Variants in PCDHA7 observed in about 807,000 individuals in gnomAD.
The protein encoded by PCDHA7 is protocadherin alpha-7.
In PCDHA7, 37 loss-of-function variants were observed where a neutral mutation model predicts 57.2. The ratio of observed to expected loss-of-function variants is 0.65; its 90% CI spans 0.50 to 0.85. The LOEUF (loss-of-function observed/expected upper bound fraction) is 0.85, where lower values mean the gene tolerates loss of function less well. Among genes scored for constraint, PCDHA7 ranks in the 40% least tolerant of loss-of-function variants. The probability of loss-of-function intolerance (pLI) is 0.00; values close to 1 mark genes in which losing one functional copy is unlikely to be tolerated. For synonymous variants in PCDHA7, 553 were observed against 558.8 expected (o/e 0.99, Z 0.15); for missense variants, 1,188 against 1,241.8 (o/e 0.96, Z 0.65).
chr5:140,866,796 G>A (rs1360079320), intron 1 of PCDHA7: 5 of 152,128 alleles, frequency 3.3e-5, no homozygotes, highest in African/African-American at 1.2e-4. Context: ...TATAGTAAAA[G>A]TCAGGCACAA....
At chr5:140,841,904 GT>G (rs1777577070) in intron 1 of PCDHA7, 1 of 1,613,860 alleles carries the variant, frequency 6.2e-7, no homozygotes, top group East Asian at 2.2e-5. Flanking sequence ...GGTTGAGCTC[GT>G]ATTAAGAAAA....
Position 140,848,771 on chromosome 5 carries a change from C to G in PCDHA7, c.2355+12033C>G, listed in dbSNP as rs1184191151. 4.4e-6 allele frequency: 7 copies of G among 1,593,350 alleles called. No homozygotes were observed. In the South Asian group the frequency reaches 6.6e-5, roughly 15 times the overall value. On this transcript the variant is annotated intron_variant, in intron 1 of 3. Coordinates refer to ENST00000525929, the MANE Select transcript of PCDHA7 (RefSeq NM_018910.3). ...TGTTTGTGAATTCTCGGATCGACCG[C>G]GAGGAGCTGTGCGGGCGGAGCGCGG...
At chr5:140,938,125 A>G (rs1339364898) in intron 1 of PCDHA7, among the ~76,000 whole-genome samples, 1 of 152,120 alleles carries the variant, frequency 6.6e-6, no homozygotes, top group Admixed American at 6.5e-5. Context: ...TTTTTTAAAA[A>G]AATAGAGATA....
intron 1 of PCDHA7, chr5:140,876,187 G>A (rs1554168344): frequency 1.9e-6 from 3 of 1,613,842 alleles, no homozygotes; most frequent in African/African-American, 2.7e-5. Context: ...GAATGACAAT[G>A]GTCCGGCGTT....
chr5:140,925,208 T>C (rs1201764361), intron 1 of PCDHA7, among the ~76,000 whole-genome samples: 2 of 152,190 alleles, frequency 1.3e-5, no homozygotes, highest in African/African-American at 4.8e-5. Context: ...TAATTATCGA[T>C]ACTTTTAGGC....
chr5:140,918,517 G>A (rs2078735105), intron 1 of PCDHA7, among the ~76,000 whole-genome samples: 1 of 152,134 alleles, frequency 6.6e-6, no homozygotes, highest in South Asian at 2.1e-4. Flanking sequence ...TAAACTTATT[G>A]AGGATTGTTT....
At chr5:140,881,147 A>G (rs982102013) in intron 1 of PCDHA7, among the ~76,000 whole-genome samples, 3 of 152,238 alleles carry the variant, frequency 2.0e-5, no homozygotes, top group Non-Finnish European at 4.4e-5. Context: ...ATAACAATAG[A>G]TAAAAGTAAG....
At chr5:140,862,555 G>A (rs926436647) in intron 1 of PCDHA7, 1 of 467,658 alleles carries the variant, frequency 2.1e-6, no homozygotes, top group South Asian at 1.7e-5. Flanking sequence ...TGGCCGAACA[G>A]TGAACCACAA....
intron 1 of PCDHA7, among the ~76,000 whole-genome samples, chr5:140,919,377 A>G (rs2079104195): frequency 1.3e-5 from 2 of 152,208 alleles, no homozygotes; most frequent in Non-Finnish European, 2.9e-5. Context: ...CAGACAACAC[A>G]TAGTTGGATG....
At chr5:140,852,353 C>A (rs1349870360) in intron 1 of PCDHA7, 2 of 209,384 alleles carry the variant, frequency 9.6e-6, no homozygotes, top group African/African-American at 4.8e-5. Flanking sequence ...TCTTGGCTCA[C>A]TGCAACGTCT....
chr5:140,873,568 G>T (rs1319513835), intron 1 of PCDHA7, among the ~76,000 whole-genome samples: 1 of 149,090 alleles, frequency 6.7e-6, no homozygotes, highest in East Asian at 1.9e-4. Context: ...TTTCTAGTTT[G>T]GTTGTTTAAG....
At chr5:140,967,754 T>G (rs782221420) in intron 1 of PCDHA7, 16 of 1,614,164 alleles carry the variant, frequency 9.9e-6, no homozygotes, top group South Asian at 7.7e-5. Flanking sequence ...GGAAGCCTCC[T>G]CCTACCAGAT....
At chr5:140,984,693 A>G (rs1587034361) in intron 3 of PCDHA7, among the ~76,000 whole-genome samples, 1 of 152,264 alleles carries the variant, frequency 6.6e-6, no homozygotes, top group East Asian at 1.9e-4. Flanking sequence ...TATGTTCTGC[A>G]CTGCTTGGAG....
chr5:140,969,636 T>C (rs2096349824), intron 1 of PCDHA7: 1 of 212,100 alleles, frequency 4.7e-6, no homozygotes, highest in Non-Finnish European at 8.1e-6. Context: ...GGACAGGCCT[T>C]GGAATAGGGA....
At chr5:140,933,731 A>G (rs1210438420) in intron 1 of PCDHA7, among the ~76,000 whole-genome samples, 2 of 151,958 alleles carry the variant, frequency 1.3e-5, no homozygotes, top group East Asian at 1.9e-4. Context: ...CAGCTTTCTT[A>G]AATATTTGGT....
Position 140,848,312 on chromosome 5 carries a change from C to A in PCDHA7, c.2355+11574C>A, listed in dbSNP as rs4151686. 12 of 726,146 alleles carry A rather than the reference C, an allele frequency of 1.7e-5. 1 individual carries two copies. Among genetic ancestry groups the A allele is most frequent in the Non-Finnish European group, 2.5e-5 (11 of 437,168 alleles). The allele number at this position is 726,146 out of a possible 1,614,324, so 45.0% of individuals were successfully genotyped here. On this transcript the variant is annotated intron_variant, in intron 1 of 3. Transcript: ENST00000525929. ...TTGGGCCACGTGATGTCACTCTTTG[C>A]CGCGATGTTCTCTCTGAATCCAGAC... is the stretch of plus-strand genomic sequence containing the variant.
At position 140,836,149 on chromosome 5, in the gene PCDHA7, A is replaced by G; in HGVS notation, c.1766A>G (p.His589Arg). The G allele has an allele frequency of 6.2e-7, 1 of 1,613,754 alleles. No homozygotes were observed. Among genetic ancestry groups the G allele is most frequent in the Non-Finnish European group, 8.5e-7 (1 of 1,179,788 alleles). The stretch of plus-strand genomic sequence containing the variant: ...GTGCCGCGGTCTGTGGGCGCGGGCC[A>G]TGTGGTGGCGAAGGTACGTGCAGTT... ...ELVPRSVGAG[H>R]VVAKVRAVDA... Residue 589 changes from histidine (H) to arginine (R), a missense_variant, in exon 1 of 4, where the codon CAT becomes CGT. By Grantham distance (29) the His-to-Arg change is conservative. Transcript: ENST00000525929.
At position 140,853,046 on chromosome 5, in the gene PCDHA7, T is replaced by C. The variant is rs2150527902; in HGVS notation, c.2355+16308T>C. 4 of 266,690 alleles carry C rather than the reference T, an allele frequency of 1.5e-5. No individual in the cohort carries two copies. The South Asian group carries it at 5.7e-4, about 38-fold the overall frequency. The allele number at this position is 266,690 out of a possible 1,614,324, so 16.5% of individuals were successfully genotyped here. On this transcript the variant is annotated intron_variant, in intron 1 of 3. Transcript: ENST00000525929. ...GGCGCCTGCCACCATGCCCGCCTAA[T>C]TTTTTTGTATTTTTAGTAGAGATGG...
chr5:140,876,144 G>C (rs782301739), intron 1 of PCDHA7: 1 of 1,613,964 alleles, frequency 6.2e-7, no homozygotes, highest in South Asian at 1.1e-5. Context: ...AACTAACAGG[G>C]TCTGTCCAGA....
Sources: allele counts gnomAD v4.1 joint callset (sites outside exome capture counted in the v4.1 genomes callset), GRCh38; gene constraint gnomAD v4.1.1; transcripts MANE v1.5; gene names NCBI Gene and HGNC (gene_info 2026-07-23, HGNC 2026-07-21).